Variants in COG7 observed in about 807,000 individuals in gnomAD.
COG7 encodes conserved oligomeric Golgi complex subunit 7.
In COG7, 49 loss-of-function variants were observed where a neutral mutation model predicts 91.5. The ratio of observed to expected loss-of-function variants is 0.54; its 90% CI spans 0.43 to 0.68. The LOEUF is 0.68. COG7 is among the 30% of genes least tolerant of loss of function. COG7 has a pLI of 0.00. For missense variants in COG7, 895 were observed against 961.3 expected (o/e 0.93, Z 0.91); for synonymous variants, 365 against 388.7 (o/e 0.94, Z 0.72).
rs1205144105 is a variant in COG7 at position 23,434,632 on chromosome 16, T to C, written c.687+4A>G. The C allele has an allele frequency of 1.2e-6, 2 of 1,609,630 alleles. No individual in the cohort carries two copies. Among genetic ancestry groups the C allele is most frequent in the Non-Finnish European group, 1.7e-6 (2 of 1,176,000 alleles). On this transcript the variant is annotated splice_donor_region_variant and intron_variant, in intron 5 of 16. Transcript: ENST00000307149. ...CACAACTGTCATCGCGCACAGCTTC[T>C]TACCTTGTGACACTTGTAGTAGTAG...
chr16:23,416,803 C>T, intron 9 of COG7, 164 bp downstream of exon 9: 2 of 776,102 alleles, frequency 2.6e-6, no homozygotes, highest in South Asian at 3.2e-5. Context: ...AAATGTTCCA[C>T]CATTACAAAC....
chr16:23,393,686 A>G (rs1963237450), intron 14 of COG7: 1 of 302,944 alleles, frequency 3.3e-6, no homozygotes, highest in African/African-American at 2.2e-5. Context: ...ATTACTGTTC[A>G]TAGGTGAAAA....
At chr16:23,396,516 TA>T (rs1963287374) in intron 14 of COG7, among the ~76,000 whole-genome samples, 1 of 151,596 alleles carries the variant, frequency 6.6e-6, no homozygotes, top group Non-Finnish European at 1.5e-5. Context: ...CTGTATCTAC[TA>T]AAAATAGAAA....
rs74013507 is a variant in COG7 at position 23,411,573 on chromosome 16, T to C, written c.1410-1213A>G. Among the ~76,000 whole-genome samples the C allele has an allele frequency of 1.6e-3, 246 of 152,344 alleles. 1 individual carries two copies. The highest frequency in any genetic ancestry group is 5.5e-3 in the African/African-American group (230 of 41,574). On this transcript the variant is annotated intron_variant, in intron 10 of 16. Coordinates refer to ENST00000307149, the MANE Select transcript of COG7 (RefSeq NM_153603.4). ...GTGCAGGTTTGTTAATAGGTAAACG[T>C]GTGTCATCGTGGTTTGCTGCACCTA...
In COG7 at chr16:23,429,229, A is replaced by C. The variant is rs1447538664; in HGVS notation, c.811-4282T>G. ...GGTCTCAAACTTCTGGGCTCAAGCA[A>C]TCCTCCTGCCTTGGCCTCCCAAAGT... On this transcript the variant is annotated intron_variant, in intron 6 of 16. Transcript: ENST00000307149. 2.6e-5 allele frequency among the ~76,000 whole-genome samples: 4 copies of C among 152,118 alleles called. No individual in the cohort carries two copies. The South Asian group carries it at 8.3e-4, about 32-fold the overall frequency.
chr16:23,445,833 C>G lies in COG7; in HGVS notation c.298G>C (p.Asp100His). 1 of 1,613,898 alleles carries G rather than the reference C, an allele frequency of 6.2e-7. No individual in the cohort carries two copies. Among genetic ancestry groups the G allele is most frequent in the Non-Finnish European group, 8.5e-7 (1 of 1,179,930 alleles). The change falls in exon 2 of 17, where the codon GAC becomes CAC. Residue 100 changes from aspartate to histidine, a missense_variant. Transcript: ENST00000307149. Reference protein sequence around the residue: ...VKEDIKKFEQDTSQSMQVLVE... With the variant: ...VKEDIKKFEQHTSQSMQVLVE... ...AATACCTGCATGGATTGAGATGTGT[C>G]CTGTTCAAATTTTTTAATGTCCTCC... is the stretch of plus-strand genomic sequence containing the variant.
At position 23,410,491 on chromosome 16, in the gene COG7, A is replaced by T. The variant is rs1274353322; in HGVS notation, c.1410-131T>A. On this transcript the variant is annotated intron_variant, in intron 10 of 16. Transcript: ENST00000307149. ...TAGTTCTGGTTCTGGGAAAGCCGTT[A>T]AACATCTGCTGGCCTGAAATGTTTC... 3.9e-6 allele frequency: 3 copies of T among 763,008 alleles called. No individual in the cohort carries two copies. In the East Asian group the frequency reaches 8.0e-5, roughly 20 times the overall value. 47.3% of individuals were successfully genotyped at this position (763,008 alleles called of 1,614,324 possible). A position where few individuals can be genotyped will look rare whatever the true frequency, so the allele number is the denominator to read the frequency against.
At chr16:23,423,203 TAA>T (rs1963788145) in intron 7 of COG7, among the ~76,000 whole-genome samples, 2 of 150,320 alleles carry the variant, frequency 1.3e-5, no homozygotes, top group Non-Finnish European at 3.0e-5. Context: ...CCATCTCTAC[TAA>T]AAAATACAAA....
chr16:23,449,276 T>C (rs1028842025), intron 1 of COG7, among the ~76,000 whole-genome samples: 8 of 151,564 alleles, frequency 5.3e-5, no homozygotes, highest in Non-Finnish European at 1.0e-4. Flanking sequence ...GGCAGGAGAA[T>C]GGTGTAAACC....
chr16:23,388,795 C>A lies in COG7; in HGVS notation c.*125G>T. 1 of 1,529,862 alleles carries A rather than the reference C, an allele frequency of 6.5e-7. No homozygotes were observed. Among genetic ancestry groups the A allele is most frequent in the South Asian group, 1.2e-5 (1 of 81,844 alleles). The allele number at this position is 1,529,862 out of a possible 1,614,324, so 94.8% of individuals were successfully genotyped here. The stretch of plus-strand genomic sequence containing the variant: ...GATTACAGGCGTGAGCCACCGTGAC[C>A]AGCTGAACCAAGTCTTTTTAAAGTA... On this transcript the variant is annotated 3_prime_UTR_variant, in exon 17 of 17. Coordinates refer to ENST00000307149, the MANE Select transcript of COG7 (RefSeq NM_153603.4).
chr16:23,409,318 T>G (rs935637331), intron 11 of COG7, among the ~76,000 whole-genome samples: 1 of 152,172 alleles, frequency 6.6e-6, no homozygotes, highest in Non-Finnish European at 1.5e-5. Flanking sequence ...GATCATTTTG[T>G]GATTTACGGG....
At chr16:23,408,458 G>T (rs1281279521) in intron 11 of COG7, among the ~76,000 whole-genome samples, 2 of 133,310 alleles carry the variant, frequency 1.5e-5, no homozygotes, top group Non-Finnish European at 3.3e-5. Flanking sequence ...GTGGCGGGGG[G>T]AGGTGGGGCA....
chr16:23,416,778 C>A, intron 9 of COG7, 189 bp downstream of exon 9: 1 of 671,898 alleles, frequency 1.5e-6, no homozygotes, highest in East Asian at 2.7e-5. Context: ...AATGGGTAGA[C>A]ATTTACGTTG....
intron 9 of COG7, chr16:23,416,138 TTA>T (rs1596928597): frequency 6.6e-6 from 1 of 152,296 alleles, no homozygotes; most frequent in East Asian, 1.9e-4. Context: ...TCAGCAATTT[TTA>T]TGTCTCAGCC....
chr16:23,410,149 G>C, intron 11 of COG7, 146 bp downstream of exon 11: 2 of 709,322 alleles, frequency 2.8e-6, no homozygotes, highest in Non-Finnish European at 5.2e-6. Context: ...TGACAATAAT[G>C]ACACGCTGTA....
chr16:23,410,264 G>A, intron 11 of COG7, 31 bp downstream of exon 11: 1 of 1,595,218 alleles, frequency 6.3e-7, no homozygotes, highest in South Asian at 1.1e-5. Context: ...GGAACCCCAG[G>A]GTGTAGAGGA....
At chr16:23,428,485 C>T (rs191567628) in intron 6 of COG7, among the ~76,000 whole-genome samples, 2 of 151,870 alleles carry the variant, frequency 1.3e-5, no homozygotes, top group Admixed American at 1.3e-4. Flanking sequence ...CCAATAAGCA[C>T]GTGAAAAGTT....
At chr16:23,416,336 T>G (rs754449252) in intron 9 of COG7, 28 of 153,958 alleles carry the variant, frequency 1.8e-4, no homozygotes, top group Non-Finnish European at 3.6e-4. Context: ...GCCTGATGTT[T>G]CTTTTTCTGC....
chr16:23,392,440 C>T lies in COG7; in HGVS notation c.2086G>A (p.Ala696Thr), dbSNP rs903219585. Residue 696 changes from alanine to threonine, a missense_variant, in exon 16 of 17, where the codon GCG (alanine) becomes ACG (threonine). Transcript: ENST00000307149. Reference protein sequence around the residue: ...ARATMQTYCDAILQIPELSPH... With the variant: ...ARATMQTYCDTILQIPELSPH... ...CTCAGCTCAGGGATCTGTAGGATCG[C>T]ATCACAGTAGGTCTGCATTGTGGCT... The T allele has an allele frequency of 1.9e-6, 3 of 1,614,168 alleles. No individual in the cohort carries two copies. Among genetic ancestry groups the T allele is most frequent in the East Asian group, 4.5e-5 (2 of 44,878 alleles).
Sources: allele counts gnomAD v4.1 joint callset (sites outside exome capture counted in the v4.1 genomes callset), GRCh38; gene constraint gnomAD v4.1.1; transcripts MANE v1.5; gene names NCBI Gene and HGNC (gene_info 2026-07-23, HGNC 2026-07-21).